Variants in ASTN1 observed in about 807,000 individuals in gnomAD.
ASTN1 encodes the protein astrotactin 1.
Under a neutral mutation model 140.7 loss-of-function variants are expected in ASTN1, and 41 were observed. That is an observed-to-expected ratio of 0.29 (90% CI 0.23 to 0.38). The LOEUF (loss-of-function observed/expected upper bound fraction) is 0.38, where lower values mean the gene tolerates loss of function less well. Among genes scored for constraint, ASTN1 ranks in the 10% least tolerant of loss-of-function variants. The pLI, the probability that ASTN1 is intolerant of heterozygous loss-of-function variation, is 1.00. For missense variants in ASTN1, 1,479 were observed against 1,678.8 expected, an observed-to-expected ratio of 0.88 and a Z score of 2.08; for synonymous variants, 640 against 652.2, an observed-to-expected ratio of 0.98 and a Z score of 0.29.
chr1:177,052,974 C>T (rs553459061), intron 2 of ASTN1, among the ~76,000 whole-genome samples: 1 of 152,276 alleles, frequency 6.6e-6, no homozygotes, highest in South Asian at 2.1e-4. Context: ...CTCTCAGTCT[C>T]AGTGTTCACA....
At chr1:177,062,128 G>A (rs1036709129) in intron 1 of ASTN1, among the ~76,000 whole-genome samples, 4 of 152,134 alleles carry the variant, frequency 2.6e-5, no homozygotes, top group African/African-American at 7.2e-5. Context: ...TCAAAGCTCT[G>A]AGACATAACA....
chr1:177,103,869 G>T (rs1680416556), intron 1 of ASTN1, among the ~76,000 whole-genome samples: 1 of 152,084 alleles, frequency 6.6e-6, no homozygotes, highest in Non-Finnish European at 1.5e-5. Context: ...TGACACAAGA[G>T]CCCCTACTGA....
intron 21 of ASTN1, among the ~76,000 whole-genome samples, chr1:176,875,194 G>T (rs574759586): frequency 6.6e-6 from 1 of 152,260 alleles, no homozygotes; most frequent in African/African-American, 2.4e-5. Flanking sequence ...CAGGGTAAGA[G>T]AATTCTAGGT....
intron 1 of ASTN1, among the ~76,000 whole-genome samples, chr1:177,087,215 C>T (rs1420252568): frequency 6.6e-6 from 1 of 152,152 alleles, no homozygotes; most frequent in Admixed American, 6.5e-5. Context: ...TACAATACCT[C>T]CATGACACAG....
intron 1 of ASTN1, among the ~76,000 whole-genome samples, chr1:177,122,699 T>C (rs1681462333): frequency 6.6e-6 from 1 of 152,160 alleles, no homozygotes; most frequent in Non-Finnish European, 1.5e-5. Context: ...TTCACAGTGG[T>C]CAGCGCTCTG....
chr1:176,946,731 G>C (rs1008500473), intron 12 of ASTN1, among the ~76,000 whole-genome samples: 8 of 152,050 alleles, frequency 5.3e-5, no homozygotes, highest in African/African-American at 1.9e-4. Flanking sequence ...TAGACCCTAG[G>C]GCACACAGTG....
intron 16 of ASTN1, among the ~76,000 whole-genome samples, chr1:176,921,475 T>C (rs1670720811): frequency 6.6e-6 from 1 of 152,216 alleles, no homozygotes; most frequent in Non-Finnish European, 1.5e-5. Flanking sequence ...CTCCCTCACC[T>C]TCTGCAAAGA....
chr1:177,013,089 T>C (rs1675371818), intron 8 of ASTN1, among the ~76,000 whole-genome samples: 2 of 152,168 alleles, frequency 1.3e-5, no homozygotes, highest in South Asian at 4.1e-4. Context: ...TGCACATCTA[T>C]CAGCCAAACC....
At chr1:176,992,074 A>G (rs1397263067) in intron 8 of ASTN1, among the ~76,000 whole-genome samples, 1 of 152,234 alleles carries the variant, frequency 6.6e-6, no homozygotes, top group East Asian at 1.9e-4. Flanking sequence ...AGTCGTTAGT[A>G]TGGTATCTGA....
intron 8 of ASTN1, among the ~76,000 whole-genome samples, chr1:177,005,000 T>C (rs1437192069): frequency 6.6e-6 from 1 of 152,106 alleles, no homozygotes; most frequent in East Asian, 1.9e-4. Flanking sequence ...CTAAAAAGCT[T>C]CTGCACAGCA....
At chr1:176,894,529 G>T (rs762521350) in intron 17 of ASTN1, 33 bp downstream of exon 17, 8 of 1,604,802 alleles carry the variant, frequency 5.0e-6, no homozygotes, top group African/African-American at 2.7e-5. Flanking sequence ...TGTGGTTGAC[G>T]CCTCCCAGAG....
chr1:177,057,369 G>T (rs776017444), intron 2 of ASTN1, among the ~76,000 whole-genome samples: 1 of 152,008 alleles, frequency 6.6e-6, no homozygotes, highest in Admixed American at 6.6e-5. Context: ...GGTCCAAAAA[G>T]GTTTCTTTTA....
intron 14 of ASTN1, among the ~76,000 whole-genome samples, chr1:176,940,165 C>A (rs1050086382): frequency 6.6e-6 from 1 of 152,076 alleles, no homozygotes; most frequent in Non-Finnish European, 1.5e-5. Context: ...ACTGAATATA[C>A]AAATGGACAA....
chr1:177,121,573 G>C (rs574234053), intron 1 of ASTN1, among the ~76,000 whole-genome samples: 2 of 152,140 alleles, frequency 1.3e-5, no homozygotes, highest in Admixed American at 1.3e-4. Context: ...TCTGGAGCTT[G>C]GGGTAAAATA....
rs148328689 is a variant in ASTN1 at position 177,032,657 on chromosome 1, C to G, written c.664G>C (p.Val222Leu). 1.5e-4 allele frequency: 236 copies of G among 1,614,042 alleles called. No individual in the cohort carries two copies. The highest frequency in any genetic ancestry group is 1.8e-4 in the Non-Finnish European group (217 of 1,180,044). ...GTGCCACTGGAGTTGTGGCCCTGCA[C>G]GCGGGCATTGCGCAGGCTCTCCCGT... ...HGRESLRNAR[V>L]QGHNSSGTLS... Residue 222 changes from valine (V) to leucine (L), a missense_variant, in exon 3 of 23, where the codon GTG (valine) becomes CTG (leucine). Coordinates refer to ENST00000361833, the MANE Select transcript of ASTN1 (RefSeq NM_004319.3).
At chr1:176,970,305 G>A (rs1283859518) in intron 8 of ASTN1, among the ~76,000 whole-genome samples, 1 of 152,216 alleles carries the variant, frequency 6.6e-6, no homozygotes, top group Non-Finnish European at 1.5e-5. Context: ...GTAACCTAGT[G>A]AGTGAGTAAA....
At chr1:177,012,119 A>G (rs546851324) in intron 8 of ASTN1, among the ~76,000 whole-genome samples, 17 of 152,338 alleles carry the variant, frequency 1.1e-4, no homozygotes, top group African/African-American at 4.1e-4. Context: ...AATCAGACAT[A>G]CCATTGATTT....
chr1:176,932,621 C>T (rs1272406850), intron 16 of ASTN1, among the ~76,000 whole-genome samples: 1 of 152,196 alleles, frequency 6.6e-6, no homozygotes, highest in East Asian at 1.9e-4. Flanking sequence ...TTTCAGAGAA[C>T]CAAAGTCAAC....
intron 8 of ASTN1, among the ~76,000 whole-genome samples, chr1:176,999,979 A>T (rs1168823423): frequency 6.6e-6 from 1 of 152,184 alleles, no homozygotes; most frequent in Non-Finnish European, 1.5e-5. Context: ...TACAGCAGCA[A>T]GAGAATGGAG....
Sources: gnomAD v4.1 joint callset for allele counts (sites outside exome capture counted in the v4.1 genomes callset) on GRCh38, gnomAD v4.1.1 for gene constraint, MANE v1.5 for transcripts, NCBI Gene and HGNC (gene_info 2026-07-23, HGNC 2026-07-21) for gene names.